LRRC2: variants seen among roughly 807,000 people sequenced by gnomAD.
The protein encoded by LRRC2 is leucine-rich repeat-containing protein 2.
A neutral mutation model predicts 40.2 loss-of-function variants in LRRC2; 27 were observed. The observed-to-expected ratio is 0.67, with a 90% CI of 0.49 to 0.93. The LOEUF is 0.93. Ranked by LOEUF, LRRC2 falls within the 40% of genes least tolerant of loss-of-function variation. LRRC2 has a pLI of 0.00. For missense variants in LRRC2, 402 were observed against 439.6 expected, an observed-to-expected ratio of 0.91 and a Z score of 0.76; for synonymous variants, 147 against 158.9, an observed-to-expected ratio of 0.92 and a Z score of 0.56.
At chr3:46,564,355 GA>G (rs1206425354) in intron 1 of LRRC2, among the ~76,000 whole-genome samples, 1 of 110,770 alleles carries the variant, frequency 9.0e-6, no homozygotes, top group African/African-American at 3.6e-5. Context: ...CAGAGGGCAT[GA>G]CTGGAAAAAC....
intron 3 of LRRC2, among the ~76,000 whole-genome samples, chr3:46,543,540 C>T (rs1704444578): frequency 2.0e-5 from 3 of 151,714 alleles, no homozygotes. Context: ...GGCGTGAACC[C>T]GGGAGGCGGA....
At chr3:46,541,861 C>T (rs1232755970) in intron 3 of LRRC2, among the ~76,000 whole-genome samples, 1 of 152,098 alleles carries the variant, frequency 6.6e-6, no homozygotes, top group African/African-American at 2.4e-5. Context: ...AACTGGGGTA[C>T]CTCAAGCACA....
chr3:46,564,139 A>T (rs1705008282), intron 1 of LRRC2, among the ~76,000 whole-genome samples: 1 of 152,028 alleles, frequency 6.6e-6, no homozygotes, highest in South Asian at 2.1e-4. Flanking sequence ...TCATTAGACA[A>T]CAGAGGCTGA....
At chr3:46,562,714 A>C (rs908180702) in intron 1 of LRRC2, among the ~76,000 whole-genome samples, 3 of 150,900 alleles carry the variant, frequency 2.0e-5, no homozygotes, top group African/African-American at 7.3e-5. Context: ...ATAATCTAGA[A>C]GATCTAGAAG....
At chr3:46,556,566 G>A (rs890435259) in intron 1 of LRRC2, among the ~76,000 whole-genome samples, 5 of 142,324 alleles carry the variant, frequency 3.5e-5, no homozygotes, top group Non-Finnish European at 7.6e-5. Flanking sequence ...GGATTTTTCA[G>A]TCATTATTTC....
intron 2 of LRRC2, among the ~76,000 whole-genome samples, chr3:46,547,260 G>A (rs550532656): frequency 6.6e-6 from 1 of 152,312 alleles, no homozygotes; most frequent in East Asian, 1.9e-4. Context: ...GACAGCACTG[G>A]CTGGCACAGC....
intron 2 of LRRC2, among the ~76,000 whole-genome samples, chr3:46,546,567 T>C (rs1704528918): frequency 2.6e-5 from 4 of 152,212 alleles, no homozygotes; most frequent in African/African-American, 9.7e-5. Context: ...CCTTTGACTT[T>C]GACTAAGCTA....
At chr3:46,549,111 C>A (rs977994241) in intron 2 of LRRC2, among the ~76,000 whole-genome samples, 1 of 152,110 alleles carries the variant, frequency 6.6e-6, no homozygotes, top group Non-Finnish European at 1.5e-5. Context: ...GTTTAAGTAT[C>A]GGTATATACT....
At chr3:46,556,276 T>C (rs555026074) in intron 1 of LRRC2, among the ~76,000 whole-genome samples, 16 of 152,114 alleles carry the variant, frequency 1.1e-4, no homozygotes, top group African/African-American at 3.9e-4. Flanking sequence ...TGCACCACCA[T>C]ATCTGGCTAA....
At chr3:46,555,450 T>C (rs1704770559) in intron 1 of LRRC2, among the ~76,000 whole-genome samples, 1 of 152,184 alleles carries the variant, frequency 6.6e-6, no homozygotes, top group Non-Finnish European at 1.5e-5. Flanking sequence ...TCCTGCCTTC[T>C]TTTCTCTGAA....
chr3:46,565,027 G>A (rs916016101), intron 1 of LRRC2, among the ~76,000 whole-genome samples: 1 of 152,222 alleles, frequency 6.6e-6, no homozygotes, highest in Non-Finnish European at 1.5e-5. Context: ...GATAGAAACG[G>A]GGGTAAATAG....
rs963914060 is a variant in LRRC2 at position 46,542,474 on chromosome 3, G to A, written c.333+2572C>T. On this transcript the variant is annotated intron_variant, in intron 3 of 8. Coordinates refer to ENST00000395905, the MANE Select transcript of LRRC2 (RefSeq NM_024512.5). ...TTCATGCCACTGCACTCCAGACAGAGTGACTAAGCAGGGCTCTGTCTCAAA... is the reference window on the plus strand; with the variant it reads ...TTCATGCCACTGCACTCCAGACAGAATGACTAAGCAGGGCTCTGTCTCAAA... Among the ~76,000 whole-genome samples the A allele has an allele frequency of 9.3e-5, 14 of 149,978 alleles. No individual in the cohort carries two copies. The Admixed American group carries it at 9.3e-4, about 10-fold the overall frequency.
chr3:46,531,026 C>T (rs1704150833), intron 5 of LRRC2, among the ~76,000 whole-genome samples: 1 of 152,074 alleles, frequency 6.6e-6, no homozygotes, highest in African/African-American at 2.4e-5. Flanking sequence ...TAGCAGGAGC[C>T]CCCCTGACGT....
intron 1 of LRRC2, among the ~76,000 whole-genome samples, chr3:46,563,122 C>T (rs1479514184): frequency 6.6e-6 from 1 of 152,050 alleles, no homozygotes; most frequent in African/African-American, 2.4e-5. Context: ...ACACATTCAT[C>T]CACACCTCCA....
intron 7 of LRRC2, among the ~76,000 whole-genome samples, chr3:46,525,956 C>CT (rs1176787401): frequency 1.3e-4 from 19 of 150,198 alleles, no homozygotes; most frequent in Middle Eastern, 3.4e-3. Flanking sequence ...TTTCTTGTTT[C>CT]TTTTTTTTTC....
intron 7 of LRRC2, among the ~76,000 whole-genome samples, chr3:46,524,828 A>G (rs1449725515): frequency 1.3e-5 from 2 of 152,132 alleles, no homozygotes; most frequent in Non-Finnish European, 2.9e-5. Context: ...TTAACTATAT[A>G]TGGCATATAT....
intron 5 of LRRC2, among the ~76,000 whole-genome samples, chr3:46,531,365 AT>A (rs1704158338): frequency 6.6e-6 from 1 of 152,150 alleles, no homozygotes; most frequent in Admixed American, 6.5e-5. Flanking sequence ...TGGGTGAGTC[AT>A]ATGGTATGTA....
At chr3:46,560,073 G>C (rs1395164214) in intron 1 of LRRC2, among the ~76,000 whole-genome samples, 1 of 152,138 alleles carries the variant, frequency 6.6e-6, no homozygotes, top group African/African-American at 2.4e-5. Context: ...GCCAGGTCCA[G>C]CCCAGCCCTT....
At chr3:46,540,808 C>T (rs1019242425) in intron 3 of LRRC2, among the ~76,000 whole-genome samples, 2 of 152,196 alleles carry the variant, frequency 1.3e-5, no homozygotes, top group Admixed American at 6.5e-5. Flanking sequence ...GTCCCGACAC[C>T]TCTTGATCTG....
Sources: allele counts gnomAD v4.1 joint callset (sites outside exome capture counted in the v4.1 genomes callset), GRCh38; gene constraint gnomAD v4.1.1; transcripts MANE v1.5; gene names NCBI Gene and HGNC (gene_info 2026-07-23, HGNC 2026-07-21).